The following TMEM74 variants were observed in gnomAD, a reference collection of about 807,000 sequenced individuals.
TMEM74 encodes the protein transmembrane protein 74.
A neutral mutation model predicts 18.1 loss-of-function variants in TMEM74; 13 were observed. That is an observed-to-expected ratio of 0.72 (90% CI 0.47 to 1.14). The LOEUF is 1.14. Ranked by LOEUF, TMEM74 falls within the 50% of genes most tolerant of loss-of-function variation. The pLI, the probability that TMEM74 is intolerant of heterozygous loss-of-function variation, is 0.00. For synonymous variants in TMEM74, 159 were observed against 146.6 expected, an observed-to-expected ratio of 1.08 and a Z score of -0.61; for missense variants, 372 against 375.9, an observed-to-expected ratio of 0.99 and a Z score of 0.09.
At chr8:108,713,025 C>G (rs1387959319) in intron 1 of TMEM74, among the ~76,000 whole-genome samples, 2 of 152,030 alleles carry the variant, frequency 1.3e-5, no homozygotes, top group African/African-American at 4.8e-5. Flanking sequence ...AAAATATGTC[C>G]CCCTAGGATC....
At chr8:108,705,185 T>A (rs2130618524) in intron 1 of TMEM74, among the ~76,000 whole-genome samples, 1 of 152,344 alleles carries the variant, frequency 6.6e-6, no homozygotes, top group South Asian at 2.1e-4. Flanking sequence ...AGCTTGTGAT[T>A]AGCAGACTCT....
chr8:108,663,427 G>T (rs1055393105), intron 1 of TMEM74, among the ~76,000 whole-genome samples: 1 of 152,150 alleles, frequency 6.6e-6, no homozygotes, highest in African/African-American at 2.4e-5. Context: ...TCTCATGCCA[G>T]TCGGAATGGC....
chr8:108,663,928 C>G (rs1025839187), intron 1 of TMEM74, among the ~76,000 whole-genome samples: 1 of 151,992 alleles, frequency 6.6e-6, no homozygotes, highest in African/African-American at 2.4e-5. Context: ...GTGGACACAT[C>G]AGAGGAAACA....
At chr8:108,636,771 C>T (rs778403389) in intron 2 of TMEM74, among the ~76,000 whole-genome samples, 3 of 148,528 alleles carry the variant, frequency 2.0e-5, no homozygotes, top group Admixed American at 6.6e-5. Flanking sequence ...ACATTCTGCT[C>T]TCCATCCTGA....
intron 2 of TMEM74, among the ~76,000 whole-genome samples, chr8:108,631,542 G>T (rs1812552449): frequency 6.6e-6 from 1 of 152,044 alleles, no homozygotes; most frequent in South Asian, 2.1e-4. Flanking sequence ...ATGGGAAGAA[G>T]CTATGAAACT....
chr8:108,699,641 G>A (rs1235963675), intron 1 of TMEM74, among the ~76,000 whole-genome samples: 2 of 148,732 alleles, frequency 1.3e-5, no homozygotes, highest in South Asian at 2.1e-4. Flanking sequence ...GCAAAATGAG[G>A]AGAAGGAAGC....
intron 1 of TMEM74, among the ~76,000 whole-genome samples, chr8:108,708,951 T>TA (rs978061562): frequency 6.6e-6 from 1 of 151,892 alleles, no homozygotes; most frequent in Non-Finnish European, 1.5e-5. Flanking sequence ...ATTAATTATT[T>TA]AAAAATGCAA....
At position 108,612,812 on chromosome 8, in the gene TMEM74, A is replaced by G. The variant is rs761103223; in HGVS notation, n.265-3986T>C. 1.5e-4 allele frequency among the ~76,000 whole-genome samples: 23 copies of G among 152,190 alleles called. 1 individual carries two copies. Among genetic ancestry groups the G allele is most frequent in the Non-Finnish European group, 2.9e-5 (2 of 68,034 alleles). ...TCTAGTTTCTTCTTCAAGTTGAAGA[A>G]GAACTATTCCCTAACTCAGTGTTCT... is the stretch of plus-strand genomic sequence containing the variant. On this transcript the variant is annotated intron_variant and non_coding_transcript_variant, in intron 2 of 3. Transcript: ENST00000518838.
chr8:108,717,958 T>G (rs1267747306), intron 1 of TMEM74, among the ~76,000 whole-genome samples: 3 of 54,144 alleles, frequency 5.5e-5, no homozygotes, highest in Non-Finnish European at 8.4e-5. Flanking sequence ...TTTTTTTTTT[T>G]TTTTTTTTTT....
intron 1 of TMEM74, among the ~76,000 whole-genome samples, chr8:108,711,273 T>G: frequency 6.6e-6 from 1 of 152,204 alleles, no homozygotes; most frequent in East Asian, 1.9e-4. Context: ...CTGGTCTCTC[T>G]CTTTCCAAAG....
chr8:108,658,265 G>C (rs1260166801), intron 1 of TMEM74, among the ~76,000 whole-genome samples: 2 of 152,034 alleles, frequency 1.3e-5, no homozygotes, highest in Admixed American at 6.6e-5. Flanking sequence ...TGGTACATCA[G>C]TCTTTCCACC....
At chr8:108,750,580 C>T (rs1375305481) in intron 1 of TMEM74, among the ~76,000 whole-genome samples, 1 of 152,068 alleles carries the variant, frequency 6.6e-6, no homozygotes, top group East Asian at 1.9e-4. Flanking sequence ...ACAGCTGTTA[C>T]ACTAAAGCGT....
chr8:108,672,143 G>A (rs1415002827), intron 1 of TMEM74, among the ~76,000 whole-genome samples: 2 of 152,198 alleles, frequency 1.3e-5, no homozygotes, highest in Admixed American at 6.5e-5. Context: ...GTCCAACTGA[G>A]TGTGGTTAGT....
intron 1 of TMEM74, among the ~76,000 whole-genome samples, chr8:108,720,999 T>A (rs1586273326): frequency 6.6e-6 from 1 of 152,080 alleles, no homozygotes; most frequent in Non-Finnish European, 1.5e-5. Context: ...AAACTCCTGA[T>A]TTCAAATGAT....
chr8:108,678,575 G>A (rs1327605932), intron 1 of TMEM74, among the ~76,000 whole-genome samples: 1 of 149,148 alleles, frequency 6.7e-6, no homozygotes, highest in African/African-American at 2.5e-5. Context: ...GTCTCGCCAT[G>A]TTGGCCAGGC....
chr8:108,631,276 C>T (rs888149818), intron 2 of TMEM74, among the ~76,000 whole-genome samples: 1 of 151,940 alleles, frequency 6.6e-6, no homozygotes, highest in African/African-American at 2.4e-5. Context: ...TTGGTGAGGT[C>T]ATGGGTGCTG....
downstream of TMEM74, among the ~76,000 whole-genome samples, chr8:108,776,766 A>C (rs769694293): frequency 7.1e-6 from 1 of 140,282 alleles, no homozygotes; most frequent in Middle Eastern, 3.5e-3. Context: ...ATGATGATGA[A>C]GGAAGGGAGG....
chr8:108,730,948 G>A (rs1271278765), intron 1 of TMEM74, among the ~76,000 whole-genome samples: 1 of 152,048 alleles, frequency 6.6e-6, no homozygotes, highest in Non-Finnish European at 1.5e-5. Flanking sequence ...TTCTTATAAA[G>A]TTCTTTGCTC....
downstream of TMEM74, among the ~76,000 whole-genome samples, chr8:108,774,162 ATAAGC>A (rs1814202768): frequency 6.6e-6 from 1 of 152,220 alleles, no homozygotes; most frequent in Non-Finnish European, 1.5e-5. Context: ...GAAATTAACT[ATAAGC>A]AGGTCATACC....
Sources: gnomAD v4.1 joint callset for allele counts (sites outside exome capture counted in the v4.1 genomes callset) on GRCh38, gnomAD v4.1.1 for gene constraint, MANE v1.5 for transcripts, NCBI Gene and HGNC (gene_info 2026-07-23, HGNC 2026-07-21) for gene names.